DIS3: variants seen among roughly 807,000 people sequenced by gnomAD.
DIS3 encodes exosome complex exonuclease RRP44.
In DIS3, 103 loss-of-function variants were observed where a neutral mutation model predicts 113.0. The observed-to-expected ratio is 0.91, with a 90% CI of 0.78 to 1.07. DIS3 has a LOEUF of 1.07. Among genes scored for constraint, DIS3 ranks in the 50% least tolerant of loss-of-function variants. The pLI is 0.00. For missense variants in DIS3, 1,121 were observed against 1,167.1 expected, an observed-to-expected ratio of 0.96 and a Z score of 0.58; for synonymous variants, 402 against 394.3, an observed-to-expected ratio of 1.02 and a Z score of -0.23.
Position 72,755,800 on chromosome 13 carries a change from A to G in DIS3, c.*3995T>C. On this transcript the variant is annotated 3_prime_UTR_variant, in exon 21 of 21. Transcript: ENST00000377767. Reference sequence around the variant, plus strand: ...AGTTACTACTTTTAAGTATGTAAATACTAGAAAGGTAGTACTAGTGACATC... The same window carrying G: ...AGTTACTACTTTTAAGTATGTAAATGCTAGAAAGGTAGTACTAGTGACATC... The G allele has an allele frequency of 2.5e-6, 1 of 398,484 alleles. No individual in the cohort carries two copies. Among genetic ancestry groups the G allele is most frequent in the Non-Finnish European group, 4.4e-6 (1 of 226,066 alleles). The allele number at this position is 398,484 out of a possible 1,614,324, so 24.7% of individuals were successfully genotyped here. A position where few individuals can be genotyped will look rare whatever the true frequency, so the allele number is the denominator to read the frequency against.
chr13:72,779,946 A>C (rs1349187830), intron 2 of DIS3, among the ~76,000 whole-genome samples: 3 of 152,178 alleles, frequency 2.0e-5, no homozygotes, highest in Non-Finnish European at 2.9e-5. Context: ...ATCATAGATT[A>C]TTTATGTAAT....
rs1035704944 is a variant in DIS3 at position 72,752,697 on chromosome 13, T to C, written c.*7098A>G. ...ACACATCACAAGGCTTTTGTTCTAA[T>C]TGGAACATGACCTCTAGTAGTAAGC... On this transcript the variant is annotated 3_prime_UTR_variant, in exon 21 of 21. Coordinates refer to ENST00000377767, the MANE Select transcript of DIS3 (RefSeq NM_014953.5). 3.3e-5 allele frequency: 5 copies of C among 149,886 alleles called. No individual in the cohort carries two copies. Among genetic ancestry groups the C allele is most frequent in the African/African-American group, 1.3e-4 (5 of 39,308 alleles). The allele number at this position is 149,886 out of a possible 1,614,324, so 9.3% of individuals were successfully genotyped here.
intron 20 of DIS3, among the ~76,000 whole-genome samples, 193 bp from the exon 21 acceptor site, chr13:72,760,071 T>C (rs1335330794): frequency 1.3e-5 from 2 of 152,202 alleles, no homozygotes; most frequent in Non-Finnish European, 2.9e-5. Flanking sequence ...ATGTAAAAGC[T>C]AGACATGGTC....
intron 2 of DIS3, 98 bp from the exon 3 acceptor site, chr13:72,778,478 A>T: frequency 1.1e-6 from 1 of 886,080 alleles, no homozygotes; most frequent in South Asian, 2.7e-5. Flanking sequence ...AACTAGAAAA[A>T]GTCAATGGTA....
Position 72,753,879 on chromosome 13 carries a change from TTTGA to T in DIS3, c.*5912_*5915del. On this transcript the variant is annotated 3_prime_UTR_variant, in exon 21 of 21. Coordinates refer to ENST00000377767, the MANE Select transcript of DIS3 (RefSeq NM_014953.5). ...GTTTAGATTAGAAATATAAAATAATTTTGATTATTAGACAATAGTACTATTGAGA... is the reference window on the plus strand; with the variant it reads ...GTTTAGATTAGAAATATAAAATAATTTTATTAGACAATAGTACTATTGAGA... 2 of 1,476,874 alleles carry T rather than the reference TTTGA, an allele frequency of 1.4e-6. No individual in the cohort carries two copies. Among genetic ancestry groups the T allele is most frequent in the Non-Finnish European group, 1.9e-6 (2 of 1,080,896 alleles). The allele number at this position is 1,476,874 out of a possible 1,614,324, so 91.5% of individuals were successfully genotyped here.
rs964659700 is a variant in DIS3, at chr13:72,756,073, T to C, written c.*3722A>G. ...TATTTTTTTAAAAAACTTATATCCA[T>C]GTTGGGAGTAGATGGGTATATAACA... On this transcript the variant is annotated 3_prime_UTR_variant, in exon 21 of 21. Transcript: ENST00000377767. The C allele has an allele frequency of 7.6e-6, 3 of 396,142 alleles. No homozygotes were observed. Among genetic ancestry groups the C allele is most frequent in the African/African-American group, 2.1e-5 (1 of 48,334 alleles). The allele number at this position is 396,142 out of a possible 1,614,324, so 24.5% of individuals were successfully genotyped here.
rs2034174770 is a variant in DIS3, at chr13:72,780,861, G to A, written c.371C>T (p.Thr124Ile). 6.2e-7 allele frequency: 1 copy of A among 1,607,284 alleles called. No homozygotes were observed. Reference sequence around the variant, plus strand: ...TTCCTCCTACCTATGGTGCTCATTAGTGAAAGTATAGAAATGCTTCTCTTG... The same window carrying A: ...TTCCTCCTACCTATGGTGCTCATTAATGAAAGTATAGAAATGCTTCTCTTG... ...NNQEKHFYTF[T>I]NEHHRETYVE... The change falls in exon 2 of 21, where the codon ACT becomes ATT. Residue 124 changes from threonine (T) to isoleucine (I), a missense_variant. By Grantham distance (89) the Thr-to-Ile change is moderately conservative. This residue lies in a region of DIS3 where 254 missense variants were observed against 232.2 expected (regional missense o/e 1.09). Coordinates refer to ENST00000377767, the MANE Select transcript of DIS3 (RefSeq NM_014953.5).
Position 72,758,719 on chromosome 13 carries a change from A to G in DIS3, c.*1076T>C. Reference sequence around the variant, plus strand: ...TTATTGAGTGCCTAAATGACTACCTATTTAGTATACCTGCTGATTTACTTG... The same window carrying G: ...TTATTGAGTGCCTAAATGACTACCTGTTTAGTATACCTGCTGATTTACTTG... On this transcript the variant is annotated 3_prime_UTR_variant, in exon 21 of 21. Coordinates refer to ENST00000377767, the MANE Select transcript of DIS3 (RefSeq NM_014953.5). 1 of 210,586 alleles carries G rather than the reference A, an allele frequency of 4.7e-6. No individual in the cohort carries two copies. Among genetic ancestry groups the G allele is most frequent in the East Asian group, 7.1e-5 (1 of 14,040 alleles). 13.0% of individuals were successfully genotyped at this position (210,586 alleles called of 1,614,324 possible). A position where few individuals can be genotyped will look rare whatever the true frequency, so the allele number is the denominator to read the frequency against.
At position 72,760,659 on chromosome 13, in the gene DIS3, A is replaced by C; in HGVS notation, c.2671-8T>G. ...TATTTTAAGTGAGGGTATCTAAACA[A>C]AACACATTTTATCATTCTTAATTGC... On this transcript the variant is annotated splice_polypyrimidine_tract_variant and splice_region_variant and intron_variant, in intron 19 of 20. Coordinates refer to ENST00000377767, the MANE Select transcript of DIS3 (RefSeq NM_014953.5). The C allele has an allele frequency of 6.2e-7, 1 of 1,610,652 alleles. No homozygotes were observed. Among genetic ancestry groups the C allele is most frequent in the Non-Finnish European group, 8.5e-7 (1 of 1,178,522 alleles).
rs574994494 is a variant in DIS3 at position 72,775,189 on chromosome 13, A to G, written c.987+22T>C. ...TAATACAAAGCTACACAGACAAAAA[A>G]AAATCCTGCTTAGATTCATACCATT... On this transcript the variant is annotated intron_variant, in intron 6 of 20. Transcript: ENST00000377767. The G allele has an allele frequency of 2.3e-5, 36 of 1,582,834 alleles. 1 individual carries two copies. In the South Asian group the frequency reaches 3.9e-4, roughly 17 times the overall value.
At chr13:72,765,773 A>G (rs2033729967) in intron 15 of DIS3, among the ~76,000 whole-genome samples, 199 bp downstream of exon 15, 1 of 152,246 alleles carries the variant, frequency 6.6e-6, no homozygotes, top group Admixed American at 6.5e-5. Flanking sequence ...AAGTTTTTCT[A>G]TTATGCGACT....
In DIS3 at chr13:72,763,359, T is replaced by G. The variant is rs1247500566; in HGVS notation, c.2127+92A>C. 6.4e-6 allele frequency: 9 copies of G among 1,414,542 alleles called. No individual in the cohort carries two copies. The Admixed American group carries it at 2.2e-4, about 34-fold the overall frequency. 87.6% of individuals were successfully genotyped at this position (1,414,542 alleles called of 1,614,324 possible). A position where few individuals can be genotyped will look rare whatever the true frequency, so the allele number is the denominator to read the frequency against. The stretch of plus-strand genomic sequence containing the variant: ...GGCATATTCTTGTATTAACAAACAA[T>G]AAAACCTTTATGGAAATATGAATAT... On this transcript the variant is annotated intron_variant, in intron 16 of 20. Transcript: ENST00000377767.
rs2033630191 is a variant in DIS3 at position 72,761,739 on chromosome 13, G to C, written c.2418C>G (p.Asp806Glu). 1.2e-6 allele frequency: 2 copies of C among 1,613,790 alleles called. No individual in the cohort carries two copies. Among genetic ancestry groups the C allele is most frequent in the Non-Finnish European group, 1.7e-6 (2 of 1,179,976 alleles). ...GADCTYPELTDKHKLADICKN... is the reference protein window; with the variant it reads ...GADCTYPELTEKHKLADICKN... ...TACATATATCTGCAAGCTTGTGTTT[G>C]TCTGTCAACTCTGGATAAGTACAGT... Residue 806 changes from aspartate (D) to glutamate (E), a missense_variant, in exon 18 of 21, where the codon GAC (aspartate) becomes GAG (glutamate). Asp to Glu is a conservative substitution (Grantham distance 45). Around this residue, in one of 3 missense-constraint regions of DIS3, gnomAD observed 861 missense variants for 915.5 expected, o/e 0.94. Coordinates refer to ENST00000377767, the MANE Select transcript of DIS3 (RefSeq NM_014953.5).
At position 72,755,993 on chromosome 13, in the gene DIS3, G is replaced by C; in HGVS notation, c.*3802C>G. 1 of 398,552 alleles carries C rather than the reference G, an allele frequency of 2.5e-6. No individual in the cohort carries two copies. Among genetic ancestry groups the C allele is most frequent in the Non-Finnish European group, 4.4e-6 (1 of 226,050 alleles). 24.7% of individuals were successfully genotyped at this position (398,552 alleles called of 1,614,324 possible). ...GTGGGGCTGGGAGAGTGGAGTTCCCGTAGGGCATAGGCCTGTGAAGTAACA... is the reference window on the plus strand; with the variant it reads ...GTGGGGCTGGGAGAGTGGAGTTCCCCTAGGGCATAGGCCTGTGAAGTAACA... On this transcript the variant is annotated 3_prime_UTR_variant, in exon 21 of 21. Transcript: ENST00000377767.
chr13:72,763,159 C>T (rs1291367803), intron 16 of DIS3, among the ~76,000 whole-genome samples: 2 of 151,990 alleles, frequency 1.3e-5, no homozygotes, highest in Non-Finnish European at 1.5e-5. Flanking sequence ...AAATTAGCCA[C>T]TCATGGTGGT....
Position 72,752,632 on chromosome 13 carries a change from A to G in DIS3, c.*7163T>C, listed in dbSNP as rs924300140. 6.6e-6 allele frequency: 1 copy of G among 152,240 alleles called. No homozygotes were observed. The highest frequency in any genetic ancestry group is 2.4e-5 in the African/African-American group (1 of 41,454). The allele number at this position is 152,240 out of a possible 1,614,324, so 9.4% of individuals were successfully genotyped here. On this transcript the variant is annotated 3_prime_UTR_variant, in exon 21 of 21. Transcript: ENST00000377767. The stretch of plus-strand genomic sequence containing the variant: ...CATTTATATTTTTGATCAAGTAGCT[A>G]TTGAATGATAGCAGAACAAGGCTTT...
At chr13:72,766,912 C>A (rs1351709654) in intron 14 of DIS3, among the ~76,000 whole-genome samples, 1 of 152,110 alleles carries the variant, frequency 6.6e-6, no homozygotes, top group Non-Finnish European at 1.5e-5. Flanking sequence ...TTCTTCAATT[C>A]CTCACCTTTA....
intron 6 of DIS3, 44 bp downstream of exon 6, chr13:72,775,167 T>C (rs2033977744): frequency 2.0e-6 from 3 of 1,525,778 alleles, no homozygotes; most frequent in Non-Finnish European, 1.8e-6. Context: ...ATATTAATAA[T>C]ACAAAGCTAC....
intron 8 of DIS3, among the ~76,000 whole-genome samples, chr13:72,773,145 A>T (rs1180637954): frequency 6.6e-5 from 10 of 152,202 alleles, no homozygotes; most frequent in Non-Finnish European, 1.3e-4. Context: ...CACTTTTCAT[A>T]GTCATGATCA....
Sources: allele counts gnomAD v4.1 joint callset (sites outside exome capture counted in the v4.1 genomes callset), GRCh38; gene constraint gnomAD v4.1.1; regional missense constraint gnomAD v4.1.1; transcripts MANE v1.5; gene names NCBI Gene and HGNC (gene_info 2026-07-23, HGNC 2026-07-21).